Variants in EBF2 observed in about 807,000 individuals in gnomAD.
EBF2 encodes the protein transcription factor COE2.
A neutral mutation model predicts 72.8 loss-of-function variants in EBF2; 21 were observed. That is an observed-to-expected ratio of 0.29 (90% CI 0.20 to 0.42). The LOEUF is 0.42. Ranked by LOEUF, EBF2 falls within the 10% of genes least tolerant of loss-of-function variation. The probability of loss-of-function intolerance (pLI) is 1.00; values close to 1 mark genes in which losing one functional copy is unlikely to be tolerated. For missense variants in EBF2, 637 were observed against 731.2 expected, an observed-to-expected ratio of 0.87 and a Z score of 1.49; for synonymous variants, 299 against 274.2, an observed-to-expected ratio of 1.09 and a Z score of -0.89.
intron 6 of EBF2, among the ~76,000 whole-genome samples, chr8:25,909,008 G>C (rs954871718): frequency 1.3e-5 from 2 of 152,202 alleles, no homozygotes; most frequent in South Asian, 4.1e-4. Flanking sequence ...ATACGTGAAG[G>C]TGGCCTGATA....
intron 6 of EBF2, among the ~76,000 whole-genome samples, chr8:25,993,969 C>G (rs193215983): frequency 6.6e-6 from 1 of 152,070 alleles, no homozygotes; most frequent in African/African-American, 2.4e-5. Context: ...AAAAGGAAGA[C>G]CTCAGAGAAA....
Position 25,991,546 on chromosome 8 carries a change from G to A in EBF2, c.551+41539C>T, listed in dbSNP as rs534090263. On this transcript the variant is annotated intron_variant, in intron 6 of 15. Transcript: ENST00000520164. ...AAAGACTGGAGGGGTCTGGAAATGG[G>A]GGCAGAAAATAGAGGACTGCCGGGT... Among the ~76,000 whole-genome samples the A allele has an allele frequency of 5.3e-5, 8 of 152,224 alleles. No individual in the cohort carries two copies. In the South Asian group the frequency reaches 1.7e-3, roughly 32 times the overall value.
At chr8:25,920,811 G>A (rs949564203) in intron 6 of EBF2, among the ~76,000 whole-genome samples, 2 of 151,492 alleles carry the variant, frequency 1.3e-5, no homozygotes, top group African/African-American at 2.4e-5. Flanking sequence ...TTATTCTTGT[G>A]ATTCAGTCTC....
intron 14 of EBF2, among the ~76,000 whole-genome samples, chr8:25,855,443 A>G (rs1802069186): frequency 6.6e-6 from 1 of 152,194 alleles, no homozygotes; most frequent in African/African-American, 2.4e-5. Context: ...GAGAGCAAAA[A>G]CAGTAAAGAT....
chr8:25,846,188 A>T (rs937487868), intron 15 of EBF2, among the ~76,000 whole-genome samples: 1 of 152,176 alleles, frequency 6.6e-6, no homozygotes, highest in Non-Finnish European at 1.5e-5. Context: ...TGACTTAGAG[A>T]TATAGCAACC....
chr8:25,993,288 C>T (rs539630454), intron 6 of EBF2, among the ~76,000 whole-genome samples: 9 of 152,268 alleles, frequency 5.9e-5, no homozygotes, highest in Admixed American at 5.9e-4. Flanking sequence ...TGCAAATGCC[C>T]AGCTATTAGG....
intron 6 of EBF2, among the ~76,000 whole-genome samples, chr8:26,014,469 C>G (rs1039892531): frequency 6.6e-6 from 1 of 152,180 alleles, no homozygotes; most frequent in African/African-American, 2.4e-5. Flanking sequence ...AGTTTAAATA[C>G]AAATACTGGC....
At chr8:26,006,912 C>T (rs549767226) in intron 6 of EBF2, among the ~76,000 whole-genome samples, 1 of 152,318 alleles carries the variant, frequency 6.6e-6, no homozygotes, top group South Asian at 2.1e-4. Context: ...CTATCAAAAA[C>T]ACTCCTCTGA....
At chr8:26,013,569 T>G (rs747873675) in intron 6 of EBF2, among the ~76,000 whole-genome samples, 6 of 152,126 alleles carry the variant, frequency 3.9e-5, no homozygotes, top group Non-Finnish European at 8.8e-5. Context: ...GCATCCCAAC[T>G]CAGTACTTGG....
intron 10 of EBF2, among the ~76,000 whole-genome samples, chr8:25,883,918 A>G (rs986580322): frequency 6.6e-6 from 1 of 151,112 alleles, no homozygotes; most frequent in Non-Finnish European, 1.5e-5. Context: ...TACCCTGACC[A>G]CTCCTTCTCA....
chr8:25,880,497 C>T (rs545234126), intron 10 of EBF2, among the ~76,000 whole-genome samples: 141 of 152,272 alleles, frequency 9.3e-4, no homozygotes, highest in Middle Eastern at 3.4e-3. Context: ...ATCTTTTCTG[C>T]GTTGACCTGA....
chr8:26,039,936 C>A (rs1805570265), intron 5 of EBF2, 92 bp downstream of exon 5: 1 of 1,417,654 alleles, frequency 7.1e-7, no homozygotes, highest in Non-Finnish European at 9.9e-7. Flanking sequence ...AGCGCTCAGT[C>A]CTGAAAGTTA....
chr8:25,946,583 C>G (rs1443856992), intron 6 of EBF2, among the ~76,000 whole-genome samples: 1 of 152,196 alleles, frequency 6.6e-6, no homozygotes, highest in African/African-American at 2.4e-5. Context: ...ATTACCCAAA[C>G]CAGCTCCTAC....
intron 6 of EBF2, among the ~76,000 whole-genome samples, chr8:25,954,148 T>G (rs974804037): frequency 1.3e-5 from 2 of 152,350 alleles, no homozygotes; most frequent in South Asian, 4.1e-4. Context: ...ACTAGCTATA[T>G]TCTAGTCATA....
At chr8:25,999,580 A>T (rs1181322592) in intron 6 of EBF2, among the ~76,000 whole-genome samples, 7 of 147,476 alleles carry the variant, frequency 4.7e-5, no homozygotes, top group African/African-American at 1.5e-4. Context: ...TTCCTTCTGC[A>T]TTTCCCTACA....
chr8:25,871,733 G>A (rs1266244329), intron 10 of EBF2, among the ~76,000 whole-genome samples: 1 of 152,088 alleles, frequency 6.6e-6, no homozygotes, highest in Non-Finnish European at 1.5e-5. Flanking sequence ...AATCCCATTT[G>A]GATCAGCCTT....
chr8:25,923,879 TAGC>T (rs1179635056), intron 6 of EBF2, among the ~76,000 whole-genome samples: 11 of 152,210 alleles, frequency 7.2e-5, no homozygotes, highest in African/African-American at 2.7e-4. Flanking sequence ...ATAAAGCAGT[TAGC>T]AGATTAATTT....
In EBF2 at chr8:26,040,651, G is replaced by C; in HGVS notation, c.373C>G (p.Leu125Val). The part of the protein sequence containing the change: ...YSNGVRTEQD[L>V]YVRLIDSVTK... ...ACCGAGTCGATGAGCCTGACATAGA[G>C]GTCCTGTTCCGTGCGGACACCTGCG... Residue 125 changes from leucine (L) to valine (V), a missense_variant, in exon 4 of 16, where the codon CTC (leucine) becomes GTC (valine). Coordinates refer to ENST00000520164, the MANE Select transcript of EBF2 (RefSeq NM_022659.4). 1.3e-6 allele frequency: 2 copies of C among 1,555,762 alleles called. No homozygotes were observed. The highest frequency in any genetic ancestry group is 1.7e-6 in the Non-Finnish European group (2 of 1,149,110).
intron 6 of EBF2, among the ~76,000 whole-genome samples, chr8:25,987,675 G>A (rs976971102): frequency 1.3e-5 from 2 of 152,040 alleles, no homozygotes; most frequent in Non-Finnish European, 2.9e-5. Flanking sequence ...CAGAACCCAG[G>A]TCTCCTAACT....
Sources: allele counts gnomAD v4.1 joint callset (sites outside exome capture counted in the v4.1 genomes callset), GRCh38; gene constraint gnomAD v4.1.1; transcripts MANE v1.5; gene names NCBI Gene and HGNC (gene_info 2026-07-23, HGNC 2026-07-21).